The following CERS1 variants were observed in gnomAD, a reference collection of about 807,000 sequenced individuals.
CERS1 encodes Embryonic growth/differentiation factor 1.
Under a neutral mutation model 35.7 loss-of-function variants are expected in CERS1, and 16 were observed. The ratio of observed to expected loss-of-function variants is 0.45; its 90% confidence interval spans 0.30 to 0.68. CERS1 has a LOEUF of 0.68. Ranked by LOEUF, CERS1 falls within the 30% of genes least tolerant of loss-of-function variation. The pLI is 0.08. For synonymous variants in CERS1, 243 were observed against 201.6 expected (o/e 1.21, Z -1.74); for missense variants, 454 against 453.9 (o/e 1.00, Z 0.00).
intron 2 of CERS1, among the ~76,000 whole-genome samples, chr19:18,893,165 G>C (rs982703993): frequency 1.3e-5 from 2 of 151,752 alleles, no homozygotes; most frequent in Admixed American, 1.3e-4. Flanking sequence ...CACTCACCTT[G>C]GCCTCCCAAA....
Position 18,893,453 on chromosome 19 carries a change from G to A in CERS1, c.372C>T (p.Asp124=), listed in dbSNP as rs775331416. 5 of 1,606,562 alleles carry A rather than the reference G, an allele frequency of 3.1e-6. No individual in the cohort carries two copies. In the South Asian group the frequency reaches 5.6e-5, roughly 18 times the overall value. The change falls in exon 2 of 8, where the codon GAC becomes GAT. Residue 124 remains aspartate, a synonymous_variant. Transcript: ENST00000623882. ...ATGGTGGGTCATGGAAGAAGGGGTA[G>A]TCGGTGCCAAACAGCAGGTAGGCAC... is the stretch of plus-strand genomic sequence containing the variant. ...SYSAYLLFGT[D]YPFFHDPPSV... is the part of the protein sequence containing the mutation.
At position 18,879,267 on chromosome 19, in the gene CERS1, TGAGCAGCAGCAG is replaced by T; in HGVS notation, c.862_873del (p.Leu288_Leu291del). The T allele has an allele frequency of 6.2e-7, 1 of 1,613,240 alleles. No individual in the cohort carries two copies. Among genetic ancestry groups the T allele is most frequent in the East Asian group, 2.2e-5 (1 of 44,860 alleles). On this transcript the variant is annotated inframe_deletion, in exon 5 of 8. Transcript: ENST00000623882. ...AGGAACCAGTAGAGGTTCATAAGGG[TGAGCAGCAGCAG>T]GAGCGCATTGAAGAAGAAGTAGAAG...
At chr19:18,876,686 A>T (rs1015488058) in intron 6 of CERS1, among the ~76,000 whole-genome samples, 8 of 152,158 alleles carry the variant, frequency 5.3e-5, no homozygotes, top group Admixed American at 3.9e-4. Context: ...CGCCTGGCCA[A>T]ACTTTTTTAT....
In CERS1 at chr19:18,870,197, G is replaced by C; in HGVS notation, c.*380C>G. On this transcript the variant is annotated 3_prime_UTR_variant, in exon 7 of 8. Transcript: ENST00000623882. The surrounding 1 kb of genome is among the most constrained non-coding windows in gnomAD (Gnocchi z 5.1). ...GCAGTCCTAGAGCCTGGAGCAGGGC[G>C]GCGGCTGGGCCTGGGGGCACGGGGG... The C allele has an allele frequency of 6.4e-7, 1 of 1,560,284 alleles. No homozygotes were observed.
chr19:18,870,073 G>C lies in CERS1; in HGVS notation c.*504C>G. On this transcript the variant is annotated 3_prime_UTR_variant, in exon 7 of 8. Transcript: ENST00000623882. This position sits in a 1 kb window ranked among gnomAD's most constrained non-coding sequence, Gnocchi z 5.1. Reference sequence around the variant, plus strand: ...AGGGTGACCCCTGGGGACGTCCGCCGCGAGCCAGACCTGGTCTCCTGGGGG... The same window carrying C: ...AGGGTGACCCCTGGGGACGTCCGCCCCGAGCCAGACCTGGTCTCCTGGGGG... 1 of 1,582,570 alleles carries C rather than the reference G, an allele frequency of 6.3e-7. No homozygotes were observed. Among genetic ancestry groups the C allele is most frequent in the South Asian group, 1.1e-5 (1 of 87,726 alleles).
At chr19:18,874,092 C>G (rs2056021222) in intron 6 of CERS1, among the ~76,000 whole-genome samples, 1 of 152,140 alleles carries the variant, frequency 6.6e-6, no homozygotes, top group Non-Finnish European at 1.5e-5. Context: ...AATAGGCAAG[C>G]TGGGTGAACA....
chr19:18,884,862 G>A (rs932201749), intron 2 of CERS1, among the ~76,000 whole-genome samples: 2 of 150,644 alleles, frequency 1.3e-5, no homozygotes, highest in African/African-American at 2.4e-5. Context: ...TACAGGCGCT[G>A]GACACCATGC....
chr19:18,881,673 C>A (rs2056213626), intron 3 of CERS1: 1 of 152,396 alleles, frequency 6.6e-6, no homozygotes, highest in East Asian at 1.9e-4. Context: ...CCTGACAGCT[C>A]CTGGGCTCCT....
chr19:18,873,615 A>C (rs1161998073), intron 6 of CERS1, among the ~76,000 whole-genome samples: 1 of 152,048 alleles, frequency 6.6e-6, no homozygotes, highest in Non-Finnish European at 1.5e-5. Flanking sequence ...AGATGGGTGG[A>C]TCACCTGAGG....
chr19:18,892,466 T>C (rs2056514152), intron 2 of CERS1, among the ~76,000 whole-genome samples: 1 of 151,718 alleles, frequency 6.6e-6, no homozygotes, highest in African/African-American at 2.4e-5. Context: ...TACAAAAAAT[T>C]AGCCGGGCGT....
At position 18,878,163 on chromosome 19, in the gene CERS1, G is replaced by A. The variant is rs562624889; in HGVS notation, c.1010+767C>T. 6.2e-4 allele frequency: 608 copies of A among 985,508 alleles called. 1 individual carries two copies. The South Asian group carries it at 9.4e-3, about 15-fold the overall frequency. 61.0% of individuals were successfully genotyped at this position (985,508 alleles called of 1,614,324 possible). Reference sequence around the variant, plus strand: ...GCCAAATCAGAGGGCCTGGCTGGTCGGCACCTTCCAGGGCCTTCCACAACC... The same window carrying A: ...GCCAAATCAGAGGGCCTGGCTGGTCAGCACCTTCCAGGGCCTTCCACAACC... On this transcript the variant is annotated intron_variant, in intron 6 of 7. Coordinates refer to ENST00000623882, the MANE Select transcript of CERS1 (RefSeq NM_021267.5). The surrounding 1 kb of genome is among the most constrained non-coding windows in gnomAD (Gnocchi z 4.6).
chr19:18,874,750 G>A (rs2056032285), intron 6 of CERS1, among the ~76,000 whole-genome samples: 1 of 152,210 alleles, frequency 6.6e-6, no homozygotes, highest in Non-Finnish European at 1.5e-5. Context: ...GCCATGAGGA[G>A]GACAGGGAAT....
At chr19:18,874,950 C>T (rs970640241) in intron 6 of CERS1, among the ~76,000 whole-genome samples, 3 of 152,156 alleles carry the variant, frequency 2.0e-5, no homozygotes, top group Non-Finnish European at 2.9e-5. Context: ...ATTGAATTTT[C>T]GGAACCAGGC....
intron 2 of CERS1, among the ~76,000 whole-genome samples, chr19:18,886,352 A>C (rs182974729): frequency 3.9e-5 from 6 of 152,272 alleles, no homozygotes; most frequent in South Asian, 2.1e-4. Context: ...GATCAAGACC[A>C]TCCTGGTTAA....
At position 18,879,405 on chromosome 19, in the gene CERS1, C is replaced by T. The variant is rs778492639; in HGVS notation, c.753-17G>A. On this transcript the variant is annotated splice_polypyrimidine_tract_variant and intron_variant, in intron 4 of 7. Transcript: ENST00000623882. ...AACCAGAACCTGCGGTGGGAGGAGTCAGGAGGCCGTGGGTGGAGGGGGACG... is the reference window on the plus strand; with the variant it reads ...AACCAGAACCTGCGGTGGGAGGAGTTAGGAGGCCGTGGGTGGAGGGGGACG... 11 of 1,553,864 alleles carry T rather than the reference C, an allele frequency of 7.1e-6. No individual in the cohort carries two copies. The Admixed American group carries it at 7.8e-5, about 11-fold the overall frequency.
At chr19:18,872,697 G>GTGTATT (rs1555703131) in intron 6 of CERS1, among the ~76,000 whole-genome samples, 22 of 151,840 alleles carry the variant, frequency 1.4e-4, no homozygotes, top group Non-Finnish European at 3.2e-4. Context: ...TGTATTTTTA[G>GTGTATT]TAGAGATGCG....
At position 18,888,098 on chromosome 19, in the gene CERS1, G is replaced by A. The variant is rs528672907; in HGVS notation, c.410-3831C>T. Reference sequence around the variant, plus strand: ...ATGGAGGCCAACTGAGGTGGCTCACGCCTGTAATCCCACCACTTTGGGAGG... The same window carrying A: ...ATGGAGGCCAACTGAGGTGGCTCACACCTGTAATCCCACCACTTTGGGAGG... On this transcript the variant is annotated intron_variant, in intron 2 of 7. Transcript: ENST00000623882. Among the ~76,000 whole-genome samples the A allele has an allele frequency of 2.8e-4, 42 of 152,308 alleles. No individual in the cohort carries two copies. In the East Asian group the frequency reaches 3.1e-3, roughly 11 times the overall value.
chr19:18,884,384 G>C, intron 2 of CERS1, 117 bp from the exon 3 acceptor site: 1 of 907,822 alleles, frequency 1.1e-6, no homozygotes, highest in Non-Finnish European at 1.6e-6. Flanking sequence ...GTAACCATGC[G>C]TGTCTGACTG....
rs1244806736 is a variant in CERS1 at position 18,878,537 on chromosome 19, G to C, written c.1010+393C>G. The C allele has an allele frequency of 9.7e-7, 1 of 1,030,536 alleles. No homozygotes were observed. Among genetic ancestry groups the C allele is most frequent in the Non-Finnish European group, 1.2e-6 (1 of 856,458 alleles). The allele number at this position is 1,030,536 out of a possible 1,614,324, so 63.8% of individuals were successfully genotyped here. A position where few individuals can be genotyped will look rare whatever the true frequency, so the allele number is the denominator to read the frequency against. On this transcript the variant is annotated intron_variant, in intron 6 of 7. Coordinates refer to ENST00000623882, the MANE Select transcript of CERS1 (RefSeq NM_021267.5). The surrounding 1 kb of genome is among the most constrained non-coding windows in gnomAD (Gnocchi z 4.6). ...GGCCCTTGGCGTTCCTTCCTCCCCA[G>C]CCCCACTGCCACCAGCTCCAGTGGC...
Sources: gnomAD v4.1 joint callset for allele counts (sites outside exome capture counted in the v4.1 genomes callset) on GRCh38, gnomAD v4.1.1 for gene constraint, Gnocchi (gnomAD v3.1) non-coding constraint, MANE v1.5 for transcripts, NCBI Gene and HGNC (gene_info 2026-07-23, HGNC 2026-07-21) for gene names.